The following ARAP2 variants were observed in gnomAD, a reference collection of about 807,000 sequenced individuals.
The protein encoded by ARAP2 is ArfGAP with RhoGAP domain, ankyrin repeat and PH domain 2, also known as arf-GAP with Rho-GAP domain, ANK repeat and PH domain-containing protein 2.
ARAP2 carries 148 observed loss-of-function variants against 194.5 expected under a neutral mutation model. The observed-to-expected ratio is 0.76, with a 90% CI of 0.67 to 0.87. The LOEUF (loss-of-function observed/expected upper bound fraction) is 0.87. Among genes scored for constraint, ARAP2 ranks in the 40% least tolerant of loss-of-function variants. ARAP2 has a pLI of 0.00. For synonymous variants in ARAP2, 695 were observed against 683.5 expected, an observed-to-expected ratio of 1.02 and a Z score of -0.26; for missense variants, 2,128 against 1,989.7, an observed-to-expected ratio of 1.07 and a Z score of -1.32.
intron 2 of ARAP2, among the ~76,000 whole-genome samples, chr4:36,215,338 A>G (rs1247108341): frequency 2.0e-5 from 3 of 152,236 alleles, no homozygotes; most frequent in Non-Finnish European, 2.9e-5. Flanking sequence ...AATGCGGTGG[A>G]AAAAGAGTAG....
chr4:36,213,399 G>A (rs1329894634), intron 3 of ARAP2, 80 bp from the exon 4 acceptor site: 2 of 1,106,258 alleles, frequency 1.8e-6, no homozygotes, highest in Non-Finnish European at 2.7e-6. Context: ...TTAAAAGCAT[G>A]AGTTTTTTAT....
At chr4:36,220,599 G>T (rs1748930621) in intron 2 of ARAP2, among the ~76,000 whole-genome samples, 1 of 151,696 alleles carries the variant, frequency 6.6e-6, no homozygotes, top group Admixed American at 6.6e-5. Context: ...CCTCAGTCAG[G>T]TCTTTCAAGT....
At chr4:36,060,320 A>G (rs1420534452) in intron 1 of ARAP2, among the ~76,000 whole-genome samples, 1 of 152,190 alleles carries the variant, frequency 6.6e-6, no homozygotes, top group Non-Finnish European at 1.5e-5. Context: ...AGTCTTTACA[A>G]GCAGACCCCA....
intron 9 of ARAP2, among the ~76,000 whole-genome samples, chr4:36,175,466 G>A (rs974767800): frequency 1.3e-5 from 2 of 152,108 alleles, no homozygotes; most frequent in African/African-American, 2.4e-5. Flanking sequence ...ACATGAAAAC[G>A]GAATGGTATG....
chr4:36,115,606 T>A lies in ARAP2; in HGVS notation c.4039-1319A>T, dbSNP rs570224701. 2.6e-5 allele frequency among the ~76,000 whole-genome samples: 4 copies of A among 152,050 alleles called. No homozygotes were observed. In the South Asian group the frequency reaches 6.2e-4, roughly 24 times the overall value. On this transcript the variant is annotated intron_variant, in intron 25 of 32. Transcript: ENST00000303965. Reference sequence around the variant, plus strand: ...ATTATTACTCTACAGAATATACAGATCAGTATACTGAACGTCCAGTCGAGA... The same window carrying A: ...ATTATTACTCTACAGAATATACAGAACAGTATACTGAACGTCCAGTCGAGA...
At position 36,128,729 on chromosome 4, in the gene ARAP2, A is replaced by G. The variant is rs1261163157; in HGVS notation, c.3444T>C (p.Tyr1148=). The change falls in exon 21 of 33, where the codon TAT becomes TAC. Residue 1148 remains tyrosine, a synonymous_variant. Transcript: ENST00000303965. ...AAGGATCACCATTCTTTTGATAGAT[A>G]TATTTGCATCCTAAACCTTTGTTTA... The part of the protein sequence containing the change: ...FVTQYGLGCK[Y]IYQKNGDPLH... 12 of 1,599,266 alleles carry G rather than the reference A, an allele frequency of 7.5e-6. No individual in the cohort carries two copies. In the East Asian group the frequency reaches 2.0e-4, roughly 27 times the overall value.
At chr4:36,202,738 T>C (rs1018057454) in intron 6 of ARAP2, among the ~76,000 whole-genome samples, 18 of 152,158 alleles carry the variant, frequency 1.2e-4, no homozygotes, top group African/African-American at 4.3e-4. Flanking sequence ...AGTTAAAAGC[T>C]TGCATTTACT....
intron 9 of ARAP2, among the ~76,000 whole-genome samples, chr4:36,177,328 G>A (rs1195077498): frequency 2.0e-5 from 3 of 151,818 alleles, no homozygotes; most frequent in Admixed American, 6.6e-5. Flanking sequence ...TTATATAGAC[G>A]TGTGTGTGTA....
chr4:36,189,694 ATATAATGTCCT>A, intron 7 of ARAP2, among the ~76,000 whole-genome samples: 1 of 152,190 alleles, frequency 6.6e-6, no homozygotes, highest in East Asian at 1.9e-4. Context: ...ATTTCACTTA[ATATAATGTCCT>A]CCAGCTCTAC....
At chr4:36,061,672 A>G (rs978578355), downstream of ARAP2, among the ~76,000 whole-genome samples, 1 of 152,134 alleles carries the variant, frequency 6.6e-6, no homozygotes, top group Non-Finnish European at 1.5e-5. Flanking sequence ...TCTTTGGGGT[A>G]TATATACAGC....
chr4:36,150,331 A>C (rs1245853988), intron 16 of ARAP2, among the ~76,000 whole-genome samples: 1 of 152,186 alleles, frequency 6.6e-6, no homozygotes, highest in African/African-American at 2.4e-5. Context: ...TATAATGGTC[A>C]TAAGTGATAT....
chr4:36,040,824 T>C (rs1311070170), intron 5 of ARAP2, among the ~76,000 whole-genome samples: 1 of 152,174 alleles, frequency 6.6e-6, no homozygotes, highest in African/African-American at 2.4e-5. Flanking sequence ...TTGGATGCCT[T>C]TCATTTCTTT....
chr4:36,226,046 T>C (rs539171926), intron 2 of ARAP2, among the ~76,000 whole-genome samples: 1 of 152,206 alleles, frequency 6.6e-6, no homozygotes, highest in Non-Finnish European at 1.5e-5. Context: ...CTGAAAATAA[T>C]TTATTTGCTC....
chr4:36,102,319 C>T (rs1345714817), intron 27 of ARAP2, among the ~76,000 whole-genome samples: 1 of 151,946 alleles, frequency 6.6e-6, no homozygotes, highest in Non-Finnish European at 1.5e-5. Context: ...AACCAAAATA[C>T]CAAGAACTAC....
chr4:36,188,821 T>A (rs1469187515), intron 7 of ARAP2, among the ~76,000 whole-genome samples: 1 of 152,186 alleles, frequency 6.6e-6, no homozygotes, highest in African/African-American at 2.4e-5. Flanking sequence ...CTCCTAGCCA[T>A]AAATTCCTGC....
intron 5 of ARAP2, among the ~76,000 whole-genome samples, chr4:36,037,801 A>T (rs1294804232): frequency 6.6e-6 from 1 of 152,148 alleles, no homozygotes; most frequent in African/African-American, 2.4e-5. Context: ...ATTGCTCTGG[A>T]TTTAAAACCA....
intron 5 of ARAP2, among the ~76,000 whole-genome samples, chr4:36,031,653 T>C (rs183830008): frequency 5.8e-4 from 85 of 145,542 alleles, no homozygotes; most frequent in Admixed American, 5.5e-3. Context: ...GTCTTCATGA[T>C]AGGATTTAAA....
intron 27 of ARAP2, among the ~76,000 whole-genome samples, chr4:36,100,961 G>T (rs761514576): frequency 2.6e-5 from 4 of 151,658 alleles, no homozygotes; most frequent in Non-Finnish European, 4.4e-5. Context: ...CATGGATGCC[G>T]CATCTGTCAA....
intron 27 of ARAP2, among the ~76,000 whole-genome samples, chr4:36,092,723 C>T (rs975061391): frequency 6.6e-6 from 1 of 151,906 alleles, no homozygotes; most frequent in Non-Finnish European, 1.5e-5. Flanking sequence ...GTAATTTTAC[C>T]TGTTTCTTTT....
Sources: allele counts gnomAD v4.1 joint callset (sites outside exome capture counted in the v4.1 genomes callset), GRCh38; gene constraint gnomAD v4.1.1; transcripts MANE v1.5; gene names NCBI Gene and HGNC (gene_info 2026-07-23, HGNC 2026-07-21).